The following ZNF814 variants were observed in gnomAD, a reference collection of about 807,000 sequenced individuals.
The protein encoded by ZNF814 is zinc finger protein 814.
In ZNF814, 5 loss-of-function variants were observed where a neutral mutation model predicts 7.5. The observed-to-expected ratio is 0.67, with a 90% CI of 0.35 to 1.40. The LOEUF (loss-of-function observed/expected upper bound fraction) is 1.40, where lower values mean the gene tolerates loss of function less well. Ranked by LOEUF, ZNF814 falls within the 40% of genes most tolerant of loss-of-function variation. The probability of loss-of-function intolerance (pLI) is 0.04; values close to 1 mark genes in which losing one functional copy is unlikely to be tolerated. For missense variants in ZNF814, 962 were observed against 1,018.0 expected (o/e 0.94, Z 0.75); for synonymous variants, 315 against 340.7 (o/e 0.92, Z 0.83).
chr19:57,899,155 T>C, the ZNF814 span, among the ~76,000 whole-genome samples: 1 of 152,140 alleles, frequency 6.6e-6, no homozygotes, highest in African/African-American at 2.4e-5. Flanking sequence ...GTTCCCGCTA[T>C]AAATAACAAA....
In ZNF814 at chr19:57,873,136, AT is replaced by A. The variant is rs1188416970; in HGVS notation, c.2253del (p.Lys751AsnfsTer162). On this transcript the variant is annotated frameshift_variant, in exon 3 of 3. Transcript: ENST00000435989. LOFTEE classifies it low-confidence loss of function (END_TRUNC). ...CAGAATGTAGAGCTGTGGGTAAATG[AT>A]TTTCCACAATCATTGCATTCATAAG... ...ERPYECNDCGKSFTHSSTFCV... is the reference protein window; with the variant it reads ...ERPYECNDCGXSFTHSSTFCV... The A allele has an allele frequency of 6.2e-7, 1 of 1,613,412 alleles. No individual in the cohort carries two copies. The highest frequency in any genetic ancestry group is 1.3e-5 in the African/African-American group (1 of 74,734).
In ZNF814 at chr19:57,871,049, TATAA is replaced by T. The variant is rs1347807022; in HGVS notation, c.*1769_*1772del. The T allele has an allele frequency of 2.6e-5, 4 of 152,180 alleles. No homozygotes were observed. Among genetic ancestry groups the T allele is most frequent in the East Asian group, 1.9e-4 (1 of 5,194 alleles). The allele number at this position is 152,180 out of a possible 1,614,324, so 9.4% of individuals were successfully genotyped here. ...ACATTATTCTGTCTCCTCCACTGCC[TATAA>T]ATAAAGTAATTCTATAAAATTATAA... On this transcript the variant is annotated 3_prime_UTR_variant, in exon 3 of 3. Coordinates refer to ENST00000435989, the MANE Select transcript of ZNF814 (RefSeq NM_001144989.2).
At chr19:57,897,006 G>T in the ZNF814 span, among the ~76,000 whole-genome samples, 2 of 152,166 alleles carry the variant, frequency 1.3e-5, no homozygotes, top group African/African-American at 2.4e-5. Context: ...TATGCACTGT[G>T]TGCTTACGGG....
chr19:57,873,821 T>TC lies in ZNF814; in HGVS notation c.1568dup (p.Glu524ArgfsTer7). 1 of 1,614,068 alleles carries TC rather than the reference T, an allele frequency of 6.2e-7. No homozygotes were observed. Among genetic ancestry groups the TC allele is most frequent in the Non-Finnish European group, 8.5e-7 (1 of 1,179,992 alleles). ...TTGAACTAAATGATTTCCCACATTC[T>TC]CCACACTCATAAGGTCTTGCTCCAG... On this transcript the variant is annotated frameshift_variant, in exon 3 of 3. Transcript: ENST00000435989. LOFTEE classifies it low-confidence loss of function (END_TRUNC).
At position 57,869,989 on chromosome 19, in the gene ZNF814, C is replaced by G. The variant is rs7253068; in HGVS notation, c.*2833G>C. ...GGCACGGTGGCTCATGCCTATAATC[C>G]CAGCACTTTGGGAGGCCAAGGCAGG... On this transcript the variant is annotated 3_prime_UTR_variant, in exon 3 of 3. Coordinates refer to ENST00000435989, the MANE Select transcript of ZNF814 (RefSeq NM_001144989.2). 62,247 of 150,370 alleles carry G rather than the reference C, an allele frequency of 0.41. 13,430 individuals carry two copies. Among genetic ancestry groups the G allele is most frequent in the African/African-American group, 0.52 (20,958 of 40,610 alleles). 9.3% of individuals were successfully genotyped at this position (150,370 alleles called of 1,614,324 possible).
At chr19:57,903,601 C>T in the ZNF814 span, among the ~76,000 whole-genome samples, 1 of 152,170 alleles carries the variant, frequency 6.6e-6, no homozygotes, top group Admixed American at 6.5e-5. Context: ...TTTTTGAAGC[C>T]TCTCAGGCTC....
chr19:57,877,720 C>G (rs1416870716), intron 1 of ZNF814, among the ~76,000 whole-genome samples: 1 of 152,186 alleles, frequency 6.6e-6, no homozygotes, highest in Admixed American at 6.5e-5. Flanking sequence ...AAACTACAGG[C>G]ATGAGGCACC....
rs1006218140 is a variant in ZNF814 at position 57,871,889 on chromosome 19, C to T, written c.*933G>A. The stretch of plus-strand genomic sequence containing the variant: ...TGTTTGGAGGCCAAGGTGGAAGGAT[C>T]GCTTGAGCCAGGAGTTTAAGACCAG... On this transcript the variant is annotated 3_prime_UTR_variant, in exon 3 of 3. Coordinates refer to ENST00000435989, the MANE Select transcript of ZNF814 (RefSeq NM_001144989.2). 6.6e-5 allele frequency among the ~76,000 whole-genome samples: 10 copies of T among 151,056 alleles called. No individual in the cohort carries two copies. The highest frequency in any genetic ancestry group is 4.6e-4 in the Admixed American group (7 of 15,162).
In ZNF814 at chr19:57,873,492, T is replaced by C. The variant is rs779564807; in HGVS notation, c.1898A>G (p.Lys633Arg). The change falls in exon 3 of 3, where the codon AAG becomes AGG. Residue 633 changes from lysine (K) to arginine (R), a missense_variant. Lys to Arg is a conservative substitution (Grantham distance 26, BLOSUM62 2). Transcript: ENST00000435989. The part of the protein sequence containing the change: ...QRMHTGERPY[K>R]CGDCGKSFNE... ...AAAAGATTTCCCACAGTCTCCACAC[T>C]TGTAAGGTCTTTCTCCAGTGTGCAT... 1 of 1,614,160 alleles carries C rather than the reference T, an allele frequency of 6.2e-7. No individual in the cohort carries two copies. The highest frequency in any genetic ancestry group is 8.5e-7 in the Non-Finnish European group (1 of 1,180,032).
the ZNF814 span, among the ~76,000 whole-genome samples, chr19:57,896,761 C>A: frequency 2.0e-5 from 3 of 152,100 alleles, no homozygotes; most frequent in Non-Finnish European, 2.9e-5. This position sits in a 1 kb window ranked among gnomAD's most constrained non-coding sequence, Gnocchi z 4.2. Context: ...AAATGTGGCT[C>A]TGAATAATAG....
At chr19:57,877,430 TTAAAG>T (rs949195393) in intron 1 of ZNF814, among the ~76,000 whole-genome samples, 11 of 152,076 alleles carry the variant, frequency 7.2e-5, no homozygotes, top group African/African-American at 2.7e-4. Context: ...TTTAAACAAC[TTAAAG>T]TATATTTTTT....
At position 57,875,200 on chromosome 19, in the gene ZNF814, C is replaced by G. The variant is rs1282853031; in HGVS notation, c.190G>C (p.Ala64Pro). The G allele has an allele frequency of 6.6e-7, 1 of 1,526,008 alleles. No individual in the cohort carries two copies. The highest frequency in any genetic ancestry group is 2.1e-5 in the Admixed American group (1 of 46,586). The allele number at this position is 1,526,008 out of a possible 1,614,324, so 94.5% of individuals were successfully genotyped here. The change falls in exon 3 of 3, where the codon GCG becomes CCG. Residue 64 changes from alanine (A) to proline (P), a missense_variant. Physicochemically the swap from Ala to Pro is conservative, Grantham distance 27. Around this residue, in one of 7 missense-constraint regions of ZNF814, gnomAD observed 65 missense variants for 131.3 expected, o/e 0.50. Coordinates refer to ENST00000435989, the MANE Select transcript of ZNF814 (RefSeq NM_001144989.2). ...TAAATACTCTGCTTAGAAGGTGCCG[C>G]CTCATCTTCCACTCCACACCAACAA... Reference protein sequence around the residue: ...LGCWCGVEDEAAPSKQSIYIQ... With the variant: ...LGCWCGVEDEPAPSKQSIYIQ...
chr19:57,889,089 G>C (rs1341555989), upstream of ZNF814: 3 of 500,140 alleles, frequency 6.0e-6, no homozygotes, highest in African/African-American at 3.8e-5. Context: ...CGTGCACACA[G>C]GAAACGCCTT....
At chr19:57,885,641 A>C (rs1256763959) in intron 1 of ZNF814, among the ~76,000 whole-genome samples, 3 of 151,756 alleles carry the variant, frequency 2.0e-5, no homozygotes, top group African/African-American at 4.8e-5. Context: ...AAAAAAAAAA[A>C]AACAAAAAAC....
At chr19:57,877,987 C>A (rs4801528) in intron 1 of ZNF814, among the ~76,000 whole-genome samples, 125,946 of 151,560 alleles carry the variant, frequency 0.83, 52,558 homozygotes, top group African/African-American at 0.88. Flanking sequence ...TAACAATGTG[C>A]AACTTCGGCT....
In ZNF814 at chr19:57,875,094, G is replaced by A. The variant is rs565491690; in HGVS notation, c.296C>T (p.Pro99Leu). The change falls in exon 3 of 3, where the codon CCG becomes CTG. Residue 99 changes from proline to leucine, a missense_variant. By Grantham distance (98) the Pro-to-Leu change is moderately conservative. Around this residue, in one of 7 missense-constraint regions of ZNF814, gnomAD observed 65 missense variants for 131.3 expected, o/e 0.50. Transcript: ENST00000435989. Reference protein sequence around the residue: ...KKAHPCEMCGPILGDILHVAD... With the variant: ...KKAHPCEMCGLILGDILHVAD... ...CACATGCAAAATGTCTCCCAAGATC[G>A]GGCCACACATCTCACAGGGGTGGGC... is the stretch of plus-strand genomic sequence containing the variant. 4.1e-5 allele frequency: 64 copies of A among 1,572,300 alleles called. No individual in the cohort carries two copies. The highest frequency in any genetic ancestry group is 1.8e-4 in the Middle Eastern group (1 of 5,450).
chr19:57,896,180 A>C, the ZNF814 span, among the ~76,000 whole-genome samples: 34 of 152,132 alleles, frequency 2.2e-4, no homozygotes, highest in Middle Eastern at 3.4e-3. The surrounding 1 kb of genome is among the most constrained non-coding windows in gnomAD (Gnocchi z 4.2). Flanking sequence ...TCTCAAAAAA[A>C]AAAAAAAAAA....
chr19:57,888,394 C>T (rs1188167775), intron 1 of ZNF814, among the ~76,000 whole-genome samples: 1 of 152,190 alleles, frequency 6.6e-6, no homozygotes. Flanking sequence ...TCTACCCTTA[C>T]AATGCTCATG....
At chr19:57,887,989 A>G (rs1301288958) in intron 1 of ZNF814, among the ~76,000 whole-genome samples, 2 of 152,130 alleles carry the variant, frequency 1.3e-5, no homozygotes, top group Non-Finnish European at 2.9e-5. Flanking sequence ...TGTTGCATTT[A>G]AGCTCCCCTC....
Sources: allele counts gnomAD v4.1 joint callset (sites outside exome capture counted in the v4.1 genomes callset), GRCh38; gene constraint gnomAD v4.1.1; regional missense constraint gnomAD v4.1.1; non-coding constraint Gnocchi (gnomAD v3.1); transcripts MANE v1.5; gene names NCBI Gene and HGNC (gene_info 2026-07-23, HGNC 2026-07-21).